The following CRADD variants were observed in gnomAD, a reference collection of about 807,000 sequenced individuals.
The protein encoded by CRADD is death domain-containing protein CRADD.
Under a neutral mutation model 15.5 loss-of-function variants are expected in CRADD, and 9 were observed. The observed-to-expected ratio is 0.58, with a 90% CI of 0.35 to 1.01. The LOEUF is 1.01. Among genes scored for constraint, CRADD ranks in the 50% least tolerant of loss-of-function variants. The pLI, the probability that CRADD is intolerant of heterozygous loss-of-function variation, is 0.02. For missense variants in CRADD, 227 were observed against 250.3 expected (o/e 0.91, Z 0.63); for synonymous variants, 118 against 107.6 (o/e 1.10, Z -0.60).
chr12:93,810,192 C>T (rs1466715314), intron 2 of CRADD, among the ~76,000 whole-genome samples: 1 of 152,062 alleles, frequency 6.6e-6, no homozygotes, highest in Non-Finnish European at 1.5e-5. Context: ...GCTGGCGTGA[C>T]TAATGTAGCT....
At chr12:93,804,920 A>C (rs954399119) in intron 2 of CRADD, among the ~76,000 whole-genome samples, 2 of 152,104 alleles carry the variant, frequency 1.3e-5, no homozygotes, top group South Asian at 4.1e-4. Flanking sequence ...CTGACAGATG[A>C]TTAATAATAC....
intron 2 of CRADD, among the ~76,000 whole-genome samples, chr12:93,799,906 C>G (rs1035224537): frequency 6.6e-6 from 1 of 152,094 alleles, no homozygotes; most frequent in Non-Finnish European, 1.5e-5. Context: ...TCTGAATATG[C>G]CAGCTTAAAA....
intron 2 of CRADD, among the ~76,000 whole-genome samples, chr12:93,724,903 C>T (rs901168902): frequency 1.3e-5 from 2 of 151,894 alleles, no homozygotes; most frequent in Admixed American, 1.3e-4. Flanking sequence ...CTCTGTTGCC[C>T]AGGCTGGAGT....
At chr12:93,692,261 A>G (rs1276165024) in intron 2 of CRADD, among the ~76,000 whole-genome samples, 1 of 152,190 alleles carries the variant, frequency 6.6e-6, no homozygotes, top group African/African-American at 2.4e-5. Context: ...CATTTGAATA[A>G]TAGGAGTTAA....
chr12:93,862,678 A>G (rs1198674056), intron 2 of CRADD, among the ~76,000 whole-genome samples: 3 of 152,220 alleles, frequency 2.0e-5, no homozygotes, highest in African/African-American at 4.8e-5. Context: ...TACCAAGAAA[A>G]CAAAAGAAAT....
At chr12:93,746,401 A>G (rs1017238796) in intron 2 of CRADD, among the ~76,000 whole-genome samples, 2 of 152,208 alleles carry the variant, frequency 1.3e-5, no homozygotes, top group African/African-American at 2.4e-5. Flanking sequence ...TAATATTCCA[A>G]TATGCTCCTC....
intron 2 of CRADD, among the ~76,000 whole-genome samples, chr12:93,802,624 G>A (rs890078827): frequency 1.3e-5 from 2 of 152,204 alleles, no homozygotes; most frequent in Non-Finnish European, 2.9e-5. Context: ...GCAGGTAAAT[G>A]TATCTTTGTG....
chr12:93,850,889 C>A (rs1460693755), downstream of CRADD: 3 of 285,650 alleles, frequency 1.1e-5, no homozygotes, highest in Non-Finnish European at 1.6e-5. This position sits in a 1 kb window ranked among gnomAD's most constrained non-coding sequence, Gnocchi z 4.0. Context: ...TTTCCCAAGT[C>A]AGGATAAATA....
intron 2 of CRADD, among the ~76,000 whole-genome samples, chr12:93,790,367 C>T (rs543044385): frequency 2.8e-4 from 42 of 151,734 alleles, no homozygotes; most frequent in African/African-American, 8.9e-4. Context: ...TGCTAAATGA[C>T]GAGTTAATGG....
chr12:93,790,993 T>C (rs1258060527), intron 2 of CRADD, among the ~76,000 whole-genome samples: 1 of 151,142 alleles, frequency 6.6e-6, no homozygotes, highest in Non-Finnish European at 1.5e-5. Flanking sequence ...ACTTCCTGCC[T>C]TTTCATTCAT....
chr12:93,769,742 A>G (rs1025053960), intron 2 of CRADD, among the ~76,000 whole-genome samples: 2 of 152,212 alleles, frequency 1.3e-5, no homozygotes, highest in Non-Finnish European at 2.9e-5. Context: ...CTGTTGGCTA[A>G]TGAGCACATT....
chr12:93,743,825 AATGTT>A (rs1413850620), intron 2 of CRADD, among the ~76,000 whole-genome samples: 2 of 152,320 alleles, frequency 1.3e-5, no homozygotes, highest in East Asian at 3.9e-4. Flanking sequence ...TATGCAATAA[AATGTT>A]ATGTTAGCAA....
At chr12:93,783,721 C>T (rs1384894696) in intron 2 of CRADD, among the ~76,000 whole-genome samples, 2 of 152,098 alleles carry the variant, frequency 1.3e-5, no homozygotes, top group Non-Finnish European at 2.9e-5. Flanking sequence ...GAAGTCGAAG[C>T]CTGAGAAAAA....
At chr12:93,861,675 G>A (rs7957946) in intron 2 of CRADD, among the ~76,000 whole-genome samples, 32,973 of 152,134 alleles carry the variant, frequency 0.22, 3,878 homozygotes, top group African/African-American at 0.32. Context: ...TCACAGCCCA[G>A]CTTCTTCCTT....
intron 2 of CRADD, among the ~76,000 whole-genome samples, chr12:93,699,430 G>A (rs1052327782): frequency 1.3e-5 from 2 of 152,184 alleles, no homozygotes; most frequent in Non-Finnish European, 2.9e-5. Context: ...TTTACTCATG[G>A]TTTAGTCTCA....
chr12:93,799,350 C>A (rs898641310), intron 2 of CRADD, among the ~76,000 whole-genome samples: 4 of 152,136 alleles, frequency 2.6e-5, no homozygotes, highest in Admixed American at 1.3e-4. Flanking sequence ...ATTTGAAATG[C>A]ATTTTATATT....
At chr12:93,877,755 C>T (rs1958467108) in intron 2 of CRADD, among the ~76,000 whole-genome samples, 1 of 152,122 alleles carries the variant, frequency 6.6e-6, no homozygotes, top group African/African-American at 2.4e-5. Context: ...CCATGTGCTC[C>T]CCTCTGGCCC....
intron 2 of CRADD, among the ~76,000 whole-genome samples, chr12:93,893,620 A>C (rs1958592003): frequency 6.6e-6 from 1 of 152,226 alleles, no homozygotes; most frequent in Admixed American, 6.5e-5. Flanking sequence ...AAATTTAAGC[A>C]CTAGGCTGGG....
At chr12:93,743,810 G>T (rs548701884) in intron 2 of CRADD, among the ~76,000 whole-genome samples, 2 of 152,148 alleles carry the variant, frequency 1.3e-5, no homozygotes, top group African/African-American at 2.4e-5. Flanking sequence ...GGTAGTGCTT[G>T]AAATTATGCA....
Sources: gnomAD v4.1 joint callset for allele counts (sites outside exome capture counted in the v4.1 genomes callset) on GRCh38, gnomAD v4.1.1 for gene constraint, Gnocchi (gnomAD v3.1) non-coding constraint, MANE v1.5 for transcripts, NCBI Gene and HGNC (gene_info 2026-07-23, HGNC 2026-07-21) for gene names.